Variants in MAGI1 observed in about 807,000 individuals in gnomAD.
The protein encoded by MAGI1 is membrane associated guanylate kinase, WW and PDZ domain containing 1, also known as membrane-associated guanylate kinase, WW and PDZ domain-containing protein 1.
In MAGI1, 58 loss-of-function variants were observed where a neutral mutation model predicts 139.9. The ratio of observed to expected loss-of-function variants is 0.41; its 90% CI spans 0.34 to 0.52. The LOEUF is 0.52. Among genes scored for constraint, MAGI1 ranks in the 20% least tolerant of loss-of-function variants. The pLI, the probability that MAGI1 is intolerant of heterozygous loss-of-function variation, is 0.12. For synonymous variants in MAGI1, 812 were observed against 737.9 expected (o/e 1.10, Z -1.63); for missense variants, 1,874 against 1,901.6 (o/e 0.99, Z 0.27).
At chr3:65,444,003 G>C (rs1294645591) in intron 7 of MAGI1, among the ~76,000 whole-genome samples, 1 of 152,066 alleles carries the variant, frequency 6.6e-6, no homozygotes, top group African/African-American at 2.4e-5. Flanking sequence ...AACACATACA[G>C]GCTAATTACT....
At chr3:65,370,051 C>T (rs1941831224) in intron 18 of MAGI1, among the ~76,000 whole-genome samples, 1 of 152,202 alleles carries the variant, frequency 6.6e-6, no homozygotes. Context: ...AACTGTAATG[C>T]TCACTCTTTG....
intron 1 of MAGI1, among the ~76,000 whole-genome samples, chr3:65,882,589 A>G (rs2060373607): frequency 6.6e-6 from 1 of 152,152 alleles, no homozygotes; most frequent in Non-Finnish European, 1.5e-5. Context: ...AGAGAGAGAA[A>G]GAAAGGAAAA....
intron 9 of MAGI1, among the ~76,000 whole-genome samples, chr3:65,437,924 T>C (rs957697959): frequency 2.0e-5 from 3 of 152,172 alleles, no homozygotes; most frequent in Admixed American, 2.0e-4. Context: ...ATAACAGATG[T>C]TGATAAGGAT....
chr3:65,519,334 TGACACACACACACACACACACACA>T (rs2078043178), intron 2 of MAGI1, among the ~76,000 whole-genome samples: 1 of 104,872 alleles, frequency 9.5e-6, no homozygotes, highest in Non-Finnish European at 1.9e-5. Flanking sequence ...TATCATGATC[TGACACACACACACACACACACACA>T]CACACACACA....
intron 1 of MAGI1, among the ~76,000 whole-genome samples, chr3:65,889,845 T>G (rs914445704): frequency 1.3e-5 from 2 of 152,120 alleles, no homozygotes. Context: ...ATAAGCAGAA[T>G]GTACTGGTAT....
intron 1 of MAGI1, among the ~76,000 whole-genome samples, chr3:65,783,619 C>T (rs1391423831): frequency 2.6e-5 from 4 of 151,936 alleles, no homozygotes; most frequent in African/African-American, 4.8e-5. Context: ...TCAGCCTCCC[C>T]GAGTGGCTGG....
At chr3:65,597,953 C>T (rs2082304453) in intron 2 of MAGI1, 1 of 454,246 alleles carries the variant, frequency 2.2e-6, no homozygotes, top group African/African-American at 2.0e-5. Context: ...GAACCCCTTC[C>T]TGGGAGAGCT....
At chr3:65,597,135 G>A (rs760723036) in intron 2 of MAGI1, among the ~76,000 whole-genome samples, 22 of 151,926 alleles carry the variant, frequency 1.4e-4, no homozygotes, top group Non-Finnish European at 2.6e-4. Context: ...AACACCTGCT[G>A]GAGCCTATTA....
intron 1 of MAGI1, among the ~76,000 whole-genome samples, chr3:65,967,071 G>C (rs1322267055): frequency 6.6e-6 from 1 of 152,160 alleles, no homozygotes; most frequent in African/African-American, 2.4e-5. Context: ...CACAGAGTTA[G>C]TGGACAGTAG....
intron 1 of MAGI1, among the ~76,000 whole-genome samples, chr3:65,882,648 G>A (rs1233715755): frequency 1.3e-5 from 2 of 152,150 alleles, no homozygotes; most frequent in African/African-American, 4.8e-5. Context: ...AAATGCACAA[G>A]TTGACCAGGC....
intron 1 of MAGI1, among the ~76,000 whole-genome samples, chr3:65,812,480 A>ACACACACACACG (rs72383320): frequency 0.42 from 61,805 of 145,824 alleles, 14,116 homozygotes; most frequent in East Asian, 0.67. Context: ...ACACACACAC[A>ACACACACACACG]CACACACACA....
chr3:65,515,482 T>C (rs943313664), intron 2 of MAGI1, among the ~76,000 whole-genome samples: 1 of 152,158 alleles, frequency 6.6e-6, no homozygotes, highest in African/African-American at 2.4e-5. Flanking sequence ...TGAATGACAC[T>C]TACACTAAAA....
intron 13 of MAGI1, among the ~76,000 whole-genome samples, chr3:65,391,672 G>C (rs1482355070): frequency 6.6e-6 from 1 of 152,110 alleles, no homozygotes; most frequent in Admixed American, 6.6e-5. Flanking sequence ...CTGCAAGATG[G>C]ATCAGTTTTA....
chr3:65,356,217 A>T lies in MAGI1; in HGVS notation c.*161T>A. 3.1e-6 allele frequency: 2 copies of T among 646,242 alleles called. No individual in the cohort carries two copies. Among genetic ancestry groups the T allele is most frequent in the Non-Finnish European group, 4.9e-6 (2 of 407,458 alleles). 40.0% of individuals were successfully genotyped at this position (646,242 alleles called of 1,614,324 possible). ...ATCAGGCACAATACTTTTCATATAT[A>T]TTTTTTCTTATAAGATTTCAAATGC... is the stretch of plus-strand genomic sequence containing the variant. On this transcript the variant is annotated 3_prime_UTR_variant, in exon 23 of 23. Coordinates refer to ENST00000402939, the MANE Select transcript of MAGI1 (RefSeq NM_001033057.2).
intron 1 of MAGI1, among the ~76,000 whole-genome samples, chr3:65,961,181 T>C (rs144101408): frequency 6.6e-4 from 101 of 152,320 alleles, no homozygotes; most frequent in Admixed American, 1.6e-3. Context: ...AACAGGCTAT[T>C]ACCACTTACT....
chr3:65,684,001 CAA>C (rs1235259524), intron 1 of MAGI1, among the ~76,000 whole-genome samples: 25 of 86,744 alleles, frequency 2.9e-4, no homozygotes, highest in African/African-American at 5.3e-4. Context: ...CCCATGTCTA[CAA>C]AAAAAAAAAA....
intron 1 of MAGI1, among the ~76,000 whole-genome samples, chr3:65,814,451 T>A (rs79458111): frequency 0.02 from 2,981 of 152,270 alleles, 102 homozygotes; most frequent in African/African-American, 0.067. Context: ...GAAATCATCA[T>A]CAGCTCAGAC....
At chr3:65,911,300 A>G (rs546788259) in intron 1 of MAGI1, among the ~76,000 whole-genome samples, 2 of 151,964 alleles carry the variant, frequency 1.3e-5, no homozygotes, top group South Asian at 2.1e-4. Context: ...ACGTTTGTCC[A>G]TGGAATTTGA....
At chr3:65,652,942 C>G (rs1483696065) in intron 1 of MAGI1, among the ~76,000 whole-genome samples, 1 of 152,052 alleles carries the variant, frequency 6.6e-6, no homozygotes, top group East Asian at 1.9e-4. Flanking sequence ...AAGTTACTAT[C>G]AAAAATATGA....
Sources: allele counts gnomAD v4.1 joint callset (sites outside exome capture counted in the v4.1 genomes callset), GRCh38; gene constraint gnomAD v4.1.1; transcripts MANE v1.5; gene names NCBI Gene and HGNC (gene_info 2026-07-23, HGNC 2026-07-21).